HECW1: variants seen among roughly 807,000 people sequenced by gnomAD.
The protein encoded by HECW1 is E3 ubiquitin-protein ligase HECW1.
A neutral mutation model predicts 182.3 loss-of-function variants in HECW1; 61 were observed. The observed-to-expected ratio is 0.33, with a 90% confidence interval of 0.27 to 0.41. The LOEUF is 0.41. Among genes scored for constraint, HECW1 ranks in the 10% least tolerant of loss-of-function variants. HECW1 has a pLI of 1.00. For missense variants in HECW1, 1,739 were observed against 2,108.9 expected, an observed-to-expected ratio of 0.82 and a Z score of 3.44; for synonymous variants, 859 against 832.6, an observed-to-expected ratio of 1.03 and a Z score of -0.55.
chr7:43,178,410 G>A (rs1792475062), intron 2 of HECW1, among the ~76,000 whole-genome samples: 1 of 152,174 alleles, frequency 6.6e-6, no homozygotes, highest in Non-Finnish European at 1.5e-5. Context: ...TGATAGACAG[G>A]AATTTAGTGT....
intron 2 of HECW1, among the ~76,000 whole-genome samples, chr7:43,204,495 C>T (rs1265672453): frequency 6.6e-6 from 1 of 152,190 alleles, no homozygotes; most frequent in Admixed American, 6.5e-5. Context: ...TAAATATCTA[C>T]TGAACACCTT....
chr7:43,361,053 C>T (rs1051226881), intron 6 of HECW1, 73 bp downstream of exon 6: 24 of 810,830 alleles, frequency 3.0e-5, no homozygotes, highest in East Asian at 2.3e-4. Context: ...TGTTCTTGTG[C>T]GTGCGTGTGT....
intron 24 of HECW1, among the ~76,000 whole-genome samples, chr7:43,530,019 G>A (rs1375186121): frequency 1.3e-5 from 2 of 151,074 alleles, no homozygotes; most frequent in African/African-American, 4.9e-5. Context: ...GTGCAATCTC[G>A]GCTCACTGCA....
Position 43,312,057 on chromosome 7 carries a change from G to A in HECW1, c.322G>A (p.Ala108Thr), listed in dbSNP as rs186064841. ...IHWDIKEEVD[A>T]GDWIGMYLID... Reference sequence around the variant, plus strand: ...CTGGGACATAAAGGAGGAAGTGGACGCTGGGGACTGGATTGGCATGTACCT... The same window carrying A: ...CTGGGACATAAAGGAGGAAGTGGACACTGGGGACTGGATTGGCATGTACCT... Residue 108 changes from alanine to threonine, a missense_variant, in exon 4 of 30, where the codon GCT (alanine) becomes ACT (threonine). Physicochemically the swap from Ala to Thr is moderately conservative, Grantham distance 58. Transcript: ENST00000395891. The A allele has an allele frequency of 1.2e-6, 2 of 1,614,192 alleles. No homozygotes were observed. The highest frequency in any genetic ancestry group is 2.2e-5 in the East Asian group (1 of 44,890).
chr7:43,299,140 T>A (rs1806411645), intron 3 of HECW1, among the ~76,000 whole-genome samples: 1 of 152,168 alleles, frequency 6.6e-6, no homozygotes, highest in Non-Finnish European at 1.5e-5. Context: ...GTGAAAAATG[T>A]CTTAGTGAGA....
In HECW1 at chr7:43,445,173, C is replaced by G. The variant is rs762832497; in HGVS notation, c.2001C>G (p.Asp667Glu). The G allele has an allele frequency of 1.4e-5, 22 of 1,611,568 alleles. No individual in the cohort carries two copies. The highest frequency in any genetic ancestry group is 1.8e-5 in the Non-Finnish European group (21 of 1,178,898). Reference sequence around the variant, plus strand: ...ACTCCAGCCCCAGGCAAGGCGGGGACCACAGTTGCGAGGGCTGTGACGCGT... The same window carrying G: ...ACTCCAGCCCCAGGCAAGGCGGGGAGCACAGTTGCGAGGGCTGTGACGCGT... ...ESDSSPRQGG[D>E]HSCEGCDASC... Residue 667 changes from aspartate to glutamate, a missense_variant, in exon 11 of 30, where the codon GAC (aspartate) becomes GAG (glutamate). By Grantham distance (45) the Asp-to-Glu change is conservative. Transcript: ENST00000395891.
intron 2 of HECW1, among the ~76,000 whole-genome samples, chr7:43,169,830 A>T (rs1791499611): frequency 1.3e-5 from 2 of 151,602 alleles, no homozygotes; most frequent in African/African-American, 4.8e-5. Context: ...TGTATCTTAA[A>T]CACATCTCAT....
intron 24 of HECW1, chr7:43,510,386 C>T (rs932609814): frequency 1.3e-5 from 2 of 152,190 alleles, no homozygotes; most frequent in African/African-American, 4.8e-5. Context: ...GAAATATTTT[C>T]ATCAAATATC....
intron 3 of HECW1, among the ~76,000 whole-genome samples, chr7:43,298,829 G>GC (rs769112925): frequency 2.6e-4 from 40 of 152,314 alleles, no homozygotes; most frequent in African/African-American, 5.8e-4. Flanking sequence ...GGCTCTGTCT[G>GC]CCGCCCCCAC....
At chr7:43,352,509 A>C (rs970959293) in intron 5 of HECW1, among the ~76,000 whole-genome samples, 10 of 152,184 alleles carry the variant, frequency 6.6e-5, no homozygotes, top group African/African-American at 2.2e-4. Context: ...TGGTCAGCAA[A>C]CTTGAGTTAT....
intron 2 of HECW1, among the ~76,000 whole-genome samples, chr7:43,149,086 T>C (rs1789020851): frequency 6.6e-6 from 1 of 152,112 alleles, no homozygotes; most frequent in African/African-American, 2.4e-5. Context: ...AGATGAATGC[T>C]AAAATTAGAA....
chr7:43,411,592 T>C (rs1179331470), intron 8 of HECW1, among the ~76,000 whole-genome samples: 1 of 152,226 alleles, frequency 6.6e-6, no homozygotes, highest in African/African-American at 2.4e-5. Flanking sequence ...TTAAATCCTT[T>C]ACTATGTTCA....
rs544490896 is a variant in HECW1 at position 43,182,063 on chromosome 7, C to T, written c.-31-61812C>T. 1.1e-4 allele frequency among the ~76,000 whole-genome samples: 17 copies of T among 152,220 alleles called. No individual in the cohort carries two copies. In the East Asian group the frequency reaches 2.3e-3, roughly 21 times the overall value. ...CCTCCCAAAGTGCTGGGATTACAGG[C>T]GTGAGCCACCGCGCCAGGCCTCTCA... On this transcript the variant is annotated intron_variant, in intron 2 of 29. Coordinates refer to ENST00000395891, the MANE Select transcript of HECW1 (RefSeq NM_015052.5).
At chr7:43,289,396 C>T (rs548815548) in intron 3 of HECW1, among the ~76,000 whole-genome samples, 3 of 152,320 alleles carry the variant, frequency 2.0e-5, no homozygotes, top group East Asian at 1.9e-4. Context: ...TGAGCCACCA[C>T]GCCCAGCCTC....
In HECW1 at chr7:43,445,091, T is replaced by G. The variant is rs746577073; in HGVS notation, c.1919T>G (p.Leu640Arg). 2 of 1,603,970 alleles carry G rather than the reference T, an allele frequency of 1.2e-6. No individual in the cohort carries two copies. Among genetic ancestry groups the G allele is most frequent in the East Asian group, 4.5e-5 (2 of 44,744 alleles). ...PGHSGGHFPSLANGAAQDGDT... is the reference protein window; with the variant it reads ...PGHSGGHFPSRANGAAQDGDT... ...CACTCCGGGGGCCACTTCCCCAGCC[T>G]GGCCAATGGCGCGGCCCAGGATGGC... The change falls in exon 11 of 30, where the codon CTG (leucine) becomes CGG (arginine). Residue 640 changes from leucine (L) to arginine (R), a missense_variant. This residue lies in a region of HECW1 where 971 missense variants were observed against 1,029.1 expected (regional missense o/e 0.94). Coordinates refer to ENST00000395891, the MANE Select transcript of HECW1 (RefSeq NM_015052.5).
intron 2 of HECW1, among the ~76,000 whole-genome samples, chr7:43,228,372 A>G (rs1354769701): frequency 6.6e-6 from 1 of 152,164 alleles, no homozygotes; most frequent in African/African-American, 2.4e-5. Flanking sequence ...CACAGAGCTC[A>G]TATACTTAAG....
chr7:43,113,239 C>A (rs1436473802), intron 1 of HECW1, among the ~76,000 whole-genome samples: 1 of 152,188 alleles, frequency 6.6e-6, no homozygotes, highest in African/African-American at 2.4e-5. Context: ...CGCAGCGCCT[C>A]CCCCGCCCCT....
intron 18 of HECW1, among the ~76,000 whole-genome samples, chr7:43,492,551 A>G (rs994856023): frequency 1.3e-5 from 2 of 152,202 alleles, no homozygotes; most frequent in African/African-American, 4.8e-5. Flanking sequence ...CTTTCCATGT[A>G]TGTATGGCAT....
Position 43,507,120 on chromosome 7 carries a change from T to C in HECW1, c.3632-17T>C, listed in dbSNP as rs763802486. 6.2e-7 allele frequency: 1 copy of C among 1,610,902 alleles called. No homozygotes were observed. The highest frequency in any genetic ancestry group is 1.7e-5 in the Admixed American group (1 of 59,360). On this transcript the variant is annotated splice_polypyrimidine_tract_variant and intron_variant, in intron 21 of 29. Coordinates refer to ENST00000395891, the MANE Select transcript of HECW1 (RefSeq NM_015052.5). ...AGAAGAAAGAAAGTGATGACCTCTGTGTGCTTCTCTCTGCAGGTTTACAGA... is the reference window on the plus strand; with the variant it reads ...AGAAGAAAGAAAGTGATGACCTCTGCGTGCTTCTCTCTGCAGGTTTACAGA...
Sources: allele counts gnomAD v4.1 joint callset (sites outside exome capture counted in the v4.1 genomes callset), GRCh38; gene constraint gnomAD v4.1.1; regional missense constraint gnomAD v4.1.1; transcripts MANE v1.5; gene names NCBI Gene and HGNC (gene_info 2026-07-23, HGNC 2026-07-21).